Variants in ANKHD1 observed in about 807,000 individuals in gnomAD.
ANKHD1 encodes ankyrin repeat and KH domain-containing protein 1.
A neutral mutation model predicts 230.5 loss-of-function variants in ANKHD1; 31 were observed. That is an observed-to-expected ratio of 0.13 (90% CI 0.10 to 0.18). ANKHD1 has a LOEUF of 0.18. Among genes scored for constraint, ANKHD1 ranks in the 10% least tolerant of loss-of-function variants. ANKHD1 has a pLI of 1.00. For synonymous variants in ANKHD1, 1,074 were observed against 1,117.6 expected (o/e 0.96, Z 0.78); for missense variants, 2,256 against 3,071.3 (o/e 0.73, Z 6.27).
chr5:140,477,154 G>A (rs1441170142), intron 10 of ANKHD1, among the ~76,000 whole-genome samples: 19 of 152,100 alleles, frequency 1.2e-4, no homozygotes, highest in Non-Finnish European at 7.4e-5. Flanking sequence ...ATTAATATCA[G>A]ACAAAATGGA....
chr5:140,415,726 C>G (rs1771317721), intron 1 of ANKHD1, among the ~76,000 whole-genome samples: 1 of 151,760 alleles, frequency 6.6e-6, no homozygotes, highest in African/African-American at 2.4e-5. Flanking sequence ...GCCTCAGCCA[C>G]CGCACCCAGC....
intron 10 of ANKHD1, among the ~76,000 whole-genome samples, chr5:140,471,861 C>T (rs886886680): frequency 2.6e-5 from 4 of 152,066 alleles, no homozygotes; most frequent in Admixed American, 6.6e-5. Context: ...TATTTTCCTC[C>T]GTCCTCCCAA....
intron 10 of ANKHD1, chr5:140,472,430 T>G (rs1776559332): frequency 3.6e-6 from 5 of 1,394,442 alleles, no homozygotes; most frequent in Non-Finnish European, 2.8e-6. Context: ...CCTCTTCAAT[T>G]GAAAAAGATT....
chr5:140,432,760 T>G (rs2126902050), intron 1 of ANKHD1, among the ~76,000 whole-genome samples: 2 of 152,242 alleles, frequency 1.3e-5, no homozygotes, highest in South Asian at 4.2e-4. Flanking sequence ...CCACATGGAA[T>G]ACAGTCGTAC....
At chr5:140,531,761 G>A (rs927273147) in intron 29 of ANKHD1, among the ~76,000 whole-genome samples, 6 of 152,056 alleles carry the variant, frequency 3.9e-5, no homozygotes, top group Non-Finnish European at 5.9e-5. Flanking sequence ...TCCTAGGGAA[G>A]ATATATGTCT....
At chr5:140,478,126 G>A (rs1751065762) in intron 10 of ANKHD1, among the ~76,000 whole-genome samples, 1 of 151,944 alleles carries the variant, frequency 6.6e-6, no homozygotes, top group Non-Finnish European at 1.5e-5. Flanking sequence ...AATAAAAGCA[G>A]GAGAACACCT....
intron 10 of ANKHD1, among the ~76,000 whole-genome samples, chr5:140,475,196 AT>A (rs1431573771): frequency 6.6e-6 from 1 of 152,228 alleles, no homozygotes; most frequent in Non-Finnish European, 1.5e-5. Flanking sequence ...TTATTAGTAT[AT>A]AGAAAAATGA....
At chr5:140,471,829 T>C (rs949027505) in intron 10 of ANKHD1, among the ~76,000 whole-genome samples, 1 of 152,204 alleles carries the variant, frequency 6.6e-6, no homozygotes, top group African/African-American at 2.4e-5. Flanking sequence ...GGGGAAAAGC[T>C]ATGTAACTAT....
At chr5:140,460,271 TA>T (rs554828625) in intron 9 of ANKHD1, among the ~76,000 whole-genome samples, 2,529 of 149,656 alleles carry the variant, frequency 0.017, 32 homozygotes, top group Non-Finnish European at 0.026. Flanking sequence ...TAGAACATAC[TA>T]AAAAAAAAAT....
intron 1 of ANKHD1, among the ~76,000 whole-genome samples, chr5:140,427,460 C>T (rs1772576187): frequency 1.5e-5 from 2 of 133,910 alleles, no homozygotes; most frequent in African/African-American, 2.8e-5. Context: ...GGCGGCTGGC[C>T]GGGCAGAGGG....
chr5:140,537,694 C>A (rs763653322), intron 31 of ANKHD1, 105 bp downstream of exon 31: 1 of 1,421,888 alleles, frequency 7.0e-7, no homozygotes, highest in East Asian at 2.5e-5. Flanking sequence ...AACTTAGTTC[C>A]TATGTTTAAC....
chr5:140,450,232 T>C lies in ANKHD1; in HGVS notation c.1242+927T>C, dbSNP rs574054504. Among the ~76,000 whole-genome samples the C allele has an allele frequency of 9.2e-5, 14 of 152,320 alleles. 1 individual carries two copies. The South Asian group carries it at 2.9e-3, about 32-fold the overall frequency. The stretch of plus-strand genomic sequence containing the variant: ...ATGTTAATTTGTATTTTGTTGACTA[T>C]TGCTGTTTAGCGAATCACTCAAAAC... On this transcript the variant is annotated intron_variant, in intron 7 of 33. Coordinates refer to ENST00000360839, the MANE Select transcript of ANKHD1 (RefSeq NM_017747.3).
intron 10 of ANKHD1, among the ~76,000 whole-genome samples, chr5:140,471,887 A>G (rs540039042): frequency 2.0e-4 from 31 of 152,234 alleles, no homozygotes; most frequent in African/African-American, 7.2e-4. Context: ...GATATGCCCA[A>G]ATCTCTTGAT....
rs1752570953 is a variant in ANKHD1 at position 140,507,091 on chromosome 5, C to G, written c.3551+114C>G. 2 of 1,442,292 alleles carry G rather than the reference C, an allele frequency of 1.4e-6. No individual in the cohort carries two copies. The highest frequency in any genetic ancestry group is 1.4e-5 in the South Asian group (1 of 71,634). 89.3% of individuals were successfully genotyped at this position (1,442,292 alleles called of 1,614,324 possible). ...TTAAATTAAGATAGTACTAAAGTTG[C>G]AAAGCCAACGATTATACCTATAATG... On this transcript the variant is annotated intron_variant, in intron 19 of 33. Coordinates refer to ENST00000360839, the MANE Select transcript of ANKHD1 (RefSeq NM_017747.3). The surrounding 1 kb of genome is among the most constrained non-coding windows in gnomAD (Gnocchi z 4.1).
Position 140,507,653 on chromosome 5 carries a change from G to A in ANKHD1, c.3552-132G>A. ...GACATTTTCTTATTCTTTATTATTG[G>A]TCGAAACAAGTAAAATCTATTCATT... On this transcript the variant is annotated intron_variant, in intron 19 of 33. Transcript: ENST00000360839. This position sits in a 1 kb window ranked among gnomAD's most constrained non-coding sequence, Gnocchi z 4.1. 9.0e-7 allele frequency: 1 copy of A among 1,115,620 alleles called. No homozygotes were observed. 69.1% of individuals were successfully genotyped at this position (1,115,620 alleles called of 1,614,324 possible). A position where few individuals can be genotyped will look rare whatever the true frequency, so the allele number is the denominator to read the frequency against.
At chr5:140,447,033 C>T (rs951676675) in intron 6 of ANKHD1, among the ~76,000 whole-genome samples, 1 of 152,040 alleles carries the variant, frequency 6.6e-6, no homozygotes, top group Non-Finnish European at 1.5e-5. Flanking sequence ...TCTCAGCCTC[C>T]CTAGTAGCTG....
At chr5:140,419,818 CTTTCTTTCTT>C (rs1224340504) in intron 1 of ANKHD1, among the ~76,000 whole-genome samples, 14 of 127,338 alleles carry the variant, frequency 1.1e-4, no homozygotes, top group South Asian at 5.2e-4. Context: ...TTCTTTCTTT[CTTTCTTTCTT>C]TCTTTCTTTT....
At chr5:140,539,220 A>T in intron 33 of ANKHD1, 137 bp downstream of exon 33, 2 of 1,524,620 alleles carry the variant, frequency 1.3e-6, no homozygotes, top group Non-Finnish European at 1.8e-6. Context: ...TATCAAGATG[A>T]TGCTACTGAA....
Position 140,455,171 on chromosome 5 carries a change from T to C in ANKHD1, c.1243-3454T>C, listed in dbSNP as rs930032478. Among the ~76,000 whole-genome samples the C allele has an allele frequency of 1.4e-4, 22 of 152,296 alleles. 1 individual carries two copies. In the East Asian group the frequency reaches 3.9e-3, roughly 27 times the overall value. On this transcript the variant is annotated intron_variant, in intron 7 of 33. Transcript: ENST00000360839. Reference sequence around the variant, plus strand: ...CTTCCAAGACTAAACCAGGAAGAAGTTGAATCCCTGAATAGACCAAGAACA... The same window carrying C: ...CTTCCAAGACTAAACCAGGAAGAAGCTGAATCCCTGAATAGACCAAGAACA...
Sources: allele counts gnomAD v4.1 joint callset (sites outside exome capture counted in the v4.1 genomes callset), GRCh38; gene constraint gnomAD v4.1.1; non-coding constraint Gnocchi (gnomAD v3.1); transcripts MANE v1.5; gene names NCBI Gene and HGNC (gene_info 2026-07-23, HGNC 2026-07-21).